Variants in CUX2 observed in about 807,000 individuals in gnomAD.
CUX2 encodes the protein homeobox protein cut-like 2.
Under a neutral mutation model 144.8 loss-of-function variants are expected in CUX2, and 40 were observed. The ratio of observed to expected loss-of-function variants is 0.28; its 90% CI spans 0.21 to 0.36. CUX2 has a LOEUF of 0.36. Among genes scored for constraint, CUX2 ranks in the 10% least tolerant of loss-of-function variants. The pLI, the probability that CUX2 is intolerant of heterozygous loss-of-function variation, is 1.00. For synonymous variants in CUX2, 827 were observed against 875.6 expected (o/e 0.94, Z 0.98); for missense variants, 1,615 against 1,994.0 (o/e 0.81, Z 3.62).
rs1885809542 is a variant in CUX2 at position 111,293,584 on chromosome 12, G to C, written c.560+15G>C. On this transcript the variant is annotated intron_variant, in intron 6 of 21. Transcript: ENST00000261726. The surrounding 1 kb of genome is among the most constrained non-coding windows in gnomAD (Gnocchi z 4.5). ...GAAAAACAAAAGTGAGGAAGGGAAG[G>C]TGGGTGGGAGGGAGGAAGGAATGGG... 6.4e-7 allele frequency: 1 copy of C among 1,563,266 alleles called. No homozygotes were observed. The highest frequency in any genetic ancestry group is 1.9e-5 in the Admixed American group (1 of 51,386).
chr12:111,068,081 G>A lies in CUX2; in HGVS notation c.63+33841G>A, dbSNP rs1014012557. On this transcript the variant is annotated intron_variant, in intron 1 of 21. Transcript: ENST00000261726. This position sits in a 1 kb window ranked among gnomAD's most constrained non-coding sequence, Gnocchi z 4.9. ...GGCTTTTGCCCACTTTTAAAAAGTG[G>A]CCTGCAGAGCCTGGCGAAGTCCCTC... 1.3e-5 allele frequency among the ~76,000 whole-genome samples: 2 copies of A among 151,808 alleles called. No individual in the cohort carries two copies. Among genetic ancestry groups the A allele is most frequent in the Non-Finnish European group, 2.9e-5 (2 of 67,948 alleles).
At chr12:111,262,388 T>C (rs1884172537) in intron 3 of CUX2, among the ~76,000 whole-genome samples, 1 of 151,382 alleles carries the variant, frequency 6.6e-6, no homozygotes, top group African/African-American at 2.4e-5. Flanking sequence ...TCTTTTTTTT[T>C]TTTTTTTTAA....
intron 1 of CUX2, among the ~76,000 whole-genome samples, chr12:111,095,342 C>T (rs1872757865): frequency 6.6e-6 from 1 of 152,054 alleles, no homozygotes; most frequent in African/African-American, 2.4e-5. Flanking sequence ...GTCTGTAGTC[C>T]CAGCTATTCT....
intron 2 of CUX2, among the ~76,000 whole-genome samples, 168 bp downstream of exon 2, chr12:111,214,478 G>A (rs1019702488): frequency 4.6e-5 from 7 of 152,164 alleles, no homozygotes; most frequent in African/African-American, 1.7e-4. Context: ...TGGCCTAGTG[G>A]TGCTCAGCGG....
chr12:111,257,266 TCCC>T (rs1434679043), intron 3 of CUX2, among the ~76,000 whole-genome samples: 2 of 93,096 alleles, frequency 2.1e-5, no homozygotes, highest in Non-Finnish European at 4.1e-5. Flanking sequence ...CCCCTCCTCC[TCCC>T]TTTTCCTCTT....
intron 19 of CUX2, 71 bp downstream of exon 19, chr12:111,334,781 T>A (rs1217325569): frequency 6.7e-7 from 1 of 1,495,984 alleles, no homozygotes; most frequent in African/African-American, 1.4e-5. Context: ...TGAAAAGGTG[T>A]CTGGAGCTGG....
intron 1 of CUX2, among the ~76,000 whole-genome samples, chr12:111,102,067 T>C (rs1484000064): frequency 6.6e-6 from 1 of 152,188 alleles, no homozygotes; most frequent in East Asian, 1.9e-4. Context: ...AATCACACAA[T>C]GTGTAACCCA....
intron 19 of CUX2, among the ~76,000 whole-genome samples, chr12:111,335,148 T>C (rs1888292431): frequency 6.6e-6 from 1 of 152,176 alleles, no homozygotes; most frequent in Non-Finnish European, 1.5e-5. Context: ...CCCAGCATTT[T>C]GGGAGGCCCA....
chr12:111,201,621 C>G (rs1880604576), intron 1 of CUX2, among the ~76,000 whole-genome samples: 1 of 152,142 alleles, frequency 6.6e-6, no homozygotes. Flanking sequence ...TCTCGGAACC[C>G]TACCCAGCAT....
At chr12:111,205,624 C>T (rs1880876613) in intron 1 of CUX2, among the ~76,000 whole-genome samples, 1 of 152,186 alleles carries the variant, frequency 6.6e-6, no homozygotes, top group Non-Finnish European at 1.5e-5. Context: ...AGACCCTAGA[C>T]ACCAAGCCAA....
At chr12:111,329,983 C>T (rs144219143) in intron 18 of CUX2, among the ~76,000 whole-genome samples, 5 of 150,362 alleles carry the variant, frequency 3.3e-5, no homozygotes, top group African/African-American at 5.0e-5. Context: ...CTCCTGCTGC[C>T]GACAGTGGGC....
chr12:111,304,441 G>C lies in CUX2; in HGVS notation c.858+127G>C. On this transcript the variant is annotated intron_variant, in intron 10 of 21. Transcript: ENST00000261726. The surrounding 1 kb of genome is among the most constrained non-coding windows in gnomAD (Gnocchi z 4.7). ...TGTGTGCATCCATTTGAAACTGGGA[G>C]TGTGAATGTGTGTGGGTCTCTGTGC... is the stretch of plus-strand genomic sequence containing the variant. 2 of 701,848 alleles carry C rather than the reference G, an allele frequency of 2.8e-6. No homozygotes were observed. The highest frequency in any genetic ancestry group is 5.0e-6 in the Non-Finnish European group (2 of 399,924). The allele number at this position is 701,848 out of a possible 1,614,324, so 43.5% of individuals were successfully genotyped here.
chr12:111,125,056 C>A (rs1428817425), intron 1 of CUX2, among the ~76,000 whole-genome samples: 3 of 152,170 alleles, frequency 2.0e-5, no homozygotes, highest in Non-Finnish European at 4.4e-5. Context: ...GCTTCTGAGG[C>A]TGCTTTTGAG....
At chr12:111,249,437 CTTTTTTTGTTTT>C (rs1883455694) in intron 3 of CUX2, among the ~76,000 whole-genome samples, 1 of 101,216 alleles carries the variant, frequency 9.9e-6, no homozygotes, top group African/African-American at 5.3e-5. Context: ...TTAATAGACC[CTTTTTTTGTTTT>C]TTTTTTTTTT....
intron 1 of CUX2, among the ~76,000 whole-genome samples, chr12:111,138,961 C>A (rs1876114403): frequency 6.6e-6 from 1 of 151,948 alleles, no homozygotes; most frequent in African/African-American, 2.4e-5. Flanking sequence ...TTACTCCTGC[C>A]AGCTTCCTCT....
At chr12:111,278,556 T>G (rs1884983652) in intron 4 of CUX2, among the ~76,000 whole-genome samples, 1 of 152,118 alleles carries the variant, frequency 6.6e-6, no homozygotes, top group Admixed American at 6.5e-5. Context: ...CACCCAGAGC[T>G]CTAATAATTT....
intron 1 of CUX2, among the ~76,000 whole-genome samples, chr12:111,170,931 G>A (rs906345300): frequency 1.3e-5 from 2 of 152,134 alleles, no homozygotes; most frequent in African/African-American, 4.8e-5. Flanking sequence ...GAGAGATTAA[G>A]GAGGGATGGA....
At chr12:111,248,698 C>G (rs1033404834) in intron 3 of CUX2, among the ~76,000 whole-genome samples, 3 of 152,094 alleles carry the variant, frequency 2.0e-5, no homozygotes, top group African/African-American at 4.8e-5. Flanking sequence ...CGGGCTCACA[C>G]CCATACGGGG....
intron 1 of CUX2, among the ~76,000 whole-genome samples, chr12:111,165,541 C>A (rs1039574156): frequency 4.6e-5 from 7 of 152,230 alleles, no homozygotes; most frequent in Non-Finnish European, 1.0e-4. Flanking sequence ...GAACTGGACT[C>A]AAATTCTGGT....
Sources: allele counts gnomAD v4.1 joint callset (sites outside exome capture counted in the v4.1 genomes callset), GRCh38; gene constraint gnomAD v4.1.1; non-coding constraint Gnocchi (gnomAD v3.1); transcripts MANE v1.5; gene names NCBI Gene and HGNC (gene_info 2026-07-23, HGNC 2026-07-21).